Variants in GPSM3 observed in about 807,000 individuals in gnomAD.
GPSM3 encodes G protein signaling modulator 3.
Under a neutral mutation model 20.4 loss-of-function variants are expected in GPSM3, and 16 were observed. The observed-to-expected ratio is 0.78, with a 90% CI of 0.53 to 1.19. GPSM3 has a LOEUF of 1.19. Among genes scored for constraint, GPSM3 ranks in the 50% most tolerant of loss-of-function variants. GPSM3 has a pLI of 0.00. For synonymous variants in GPSM3, 70 were observed against 79.6 expected (o/e 0.88, Z 0.64); for missense variants, 177 against 204.6 (o/e 0.86, Z 0.82).
chr6:32,194,493 T>A (rs1207396892), upstream of GPSM3: 1 of 153,868 alleles, frequency 6.5e-6, no homozygotes, highest in Non-Finnish European at 1.4e-5. The surrounding 1 kb of genome is among the most constrained non-coding windows in gnomAD (Gnocchi z 4.5). Context: ...CCTATGAGAA[T>A]TTAATGCTTA....
At chr6:32,194,790 C>G (rs1166918131), upstream of GPSM3, 1 of 230,586 alleles carries the variant, frequency 4.3e-6, no homozygotes, top group East Asian at 6.1e-5. The surrounding 1 kb of genome is among the most constrained non-coding windows in gnomAD (Gnocchi z 4.5). Context: ...TGACATTATG[C>G]AGTCACTCCC....
upstream of GPSM3, chr6:32,192,851 T>C (rs372556458): frequency 6.4e-6 from 2 of 310,368 alleles, no homozygotes; most frequent in Non-Finnish European, 1.2e-5. The surrounding 1 kb of genome is among the most constrained non-coding windows in gnomAD (Gnocchi z 5.1). Flanking sequence ...AGAGCCTCAG[T>C]AGTCCCCTAA....
rs1787521464 is a variant in GPSM3, at chr6:32,191,630, A to G, written c.345+79T>C. 6.8e-7 allele frequency: 1 copy of G among 1,478,160 alleles called. No individual in the cohort carries two copies. The highest frequency in any genetic ancestry group is 1.3e-5 in the South Asian group (1 of 75,982). The allele number at this position is 1,478,160 out of a possible 1,614,324, so 91.6% of individuals were successfully genotyped here. On this transcript the variant is annotated intron_variant, in intron 3 of 3. Coordinates refer to ENST00000375040, the MANE Select transcript of GPSM3 (RefSeq NM_001276501.2). The surrounding 1 kb of genome is among the most constrained non-coding windows in gnomAD (Gnocchi z 5.9). The stretch of plus-strand genomic sequence containing the variant: ...TGAAGGCGATGGGGTGCCTAGGGAG[A>G]AACAGGAGTAGAGCCCCAAAGAGAA...
chr6:32,192,083 G>A lies in GPSM3; in HGVS notation c.145+65C>T, dbSNP rs117877134. The A allele has an allele frequency of 3.1e-3, 4,264 of 1,368,062 alleles. 187 individuals are homozygous for A. In the East Asian group the frequency reaches 0.079, roughly 25 times the overall value. 84.7% of individuals were successfully genotyped at this position (1,368,062 alleles called of 1,614,324 possible). A position where few individuals can be genotyped will look rare whatever the true frequency, so the allele number is the denominator to read the frequency against. On this transcript the variant is annotated intron_variant, in intron 2 of 3. Transcript: ENST00000375040. The surrounding 1 kb of genome is among the most constrained non-coding windows in gnomAD (Gnocchi z 5.1). The stretch of plus-strand genomic sequence containing the variant: ...GGGGAGAGGGCCCACAATGGAGTGG[G>A]CCTTGGTAATGGGGTCAGGATGTGG...
In GPSM3 at chr6:32,192,077, G is replaced by A; in HGVS notation, c.145+71C>T. On this transcript the variant is annotated intron_variant, in intron 2 of 3. Transcript: ENST00000375040. The surrounding 1 kb of genome is among the most constrained non-coding windows in gnomAD (Gnocchi z 5.1). ...GGAGGTGGGGAGAGGGCCCACAATGGAGTGGGCCTTGGTAATGGGGTCAGG... is the reference window on the plus strand; with the variant it reads ...GGAGGTGGGGAGAGGGCCCACAATGAAGTGGGCCTTGGTAATGGGGTCAGG... 3 of 1,317,256 alleles carry A rather than the reference G, an allele frequency of 2.3e-6. No individual in the cohort carries two copies. The highest frequency in any genetic ancestry group is 3.2e-6 in the Non-Finnish European group (3 of 948,516). The allele number at this position is 1,317,256 out of a possible 1,614,324, so 81.6% of individuals were successfully genotyped here.
At position 32,192,329 on chromosome 6, in the gene GPSM3, C is replaced by T. The variant is rs1260405746; in HGVS notation, c.43-79G>A. ...AGTGGACAGGGGGCTAGGCCAGTGG[C>T]CCGTTTCCTCTCTGTGTGTCTCTGT... On this transcript the variant is annotated intron_variant, in intron 1 of 3. Coordinates refer to ENST00000375040, the MANE Select transcript of GPSM3 (RefSeq NM_001276501.2). The surrounding 1 kb of genome is among the most constrained non-coding windows in gnomAD (Gnocchi z 5.1). The T allele has an allele frequency of 2.2e-5, 30 of 1,349,030 alleles. 1 individual carries two copies. The highest frequency in any genetic ancestry group is 1.8e-4 in the Middle Eastern group (1 of 5,422). The allele number at this position is 1,349,030 out of a possible 1,614,324, so 83.6% of individuals were successfully genotyped here.
Position 32,191,580 on chromosome 6 carries a change from T to G in GPSM3, c.346-77A>C, listed in dbSNP as rs1787516750. The stretch of plus-strand genomic sequence containing the variant: ...GGTTCTTGAGAGGATCAAGGGTTGG[T>G]ATGGGGAGGCATATAGGAAACCTGT... On this transcript the variant is annotated intron_variant, in intron 3 of 3. Coordinates refer to ENST00000375040, the MANE Select transcript of GPSM3 (RefSeq NM_001276501.2). This position sits in a 1 kb window ranked among gnomAD's most constrained non-coding sequence, Gnocchi z 5.9. The G allele has an allele frequency of 1.3e-6, 2 of 1,506,234 alleles. No homozygotes were observed. Among genetic ancestry groups the G allele is most frequent in the Non-Finnish European group, 1.8e-6 (2 of 1,123,042 alleles). The allele number at this position is 1,506,234 out of a possible 1,614,324, so 93.3% of individuals were successfully genotyped here.
Position 32,192,094 on chromosome 6 carries a change from G to C in GPSM3, c.145+54C>G, listed in dbSNP as rs1787566542. On this transcript the variant is annotated intron_variant, in intron 2 of 3. Coordinates refer to ENST00000375040, the MANE Select transcript of GPSM3 (RefSeq NM_001276501.2). The surrounding 1 kb of genome is among the most constrained non-coding windows in gnomAD (Gnocchi z 5.1). ...CCACAATGGAGTGGGCCTTGGTAAT[G>C]GGGTCAGGATGTGGGCACTAGGGTC... 1 of 1,414,248 alleles carries C rather than the reference G, an allele frequency of 7.1e-7. No homozygotes were observed. The highest frequency in any genetic ancestry group is 9.6e-7 in the Non-Finnish European group (1 of 1,039,146). The allele number at this position is 1,414,248 out of a possible 1,614,324, so 87.6% of individuals were successfully genotyped here. A position where few individuals can be genotyped will look rare whatever the true frequency, so the allele number is the denominator to read the frequency against.
upstream of GPSM3, among the ~76,000 whole-genome samples, chr6:32,193,764 A>G (rs1429390631): frequency 6.6e-6 from 1 of 152,222 alleles, no homozygotes; most frequent in Non-Finnish European, 1.5e-5. The surrounding 1 kb of genome is among the most constrained non-coding windows in gnomAD (Gnocchi z 4.7). Context: ...CCTGTTTCAG[A>G]AAAAGAAAGA....
In GPSM3 at chr6:32,191,456, C is replaced by G. The variant is rs1361185732; in HGVS notation, c.393G>C (p.Gly131=). The change falls in exon 4 of 4, where the codon GGG becomes GGC. Residue 131 remains glycine (G), a synonymous_variant. Transcript: ENST00000375040. This position sits in a 1 kb window ranked among gnomAD's most constrained non-coding sequence, Gnocchi z 5.9. ...GCAGCAACTCCAGGAGCTCTTGCCC[C>G]CCTGGAGGGAGGGGAGGCTCTGACC... is the stretch of plus-strand genomic sequence containing the variant. The part of the protein sequence containing the change: ...AQRSEPPLPP[G]GQELLELLLR... 1.3e-6 allele frequency: 2 copies of G among 1,587,274 alleles called. No individual in the cohort carries two copies. The highest frequency in any genetic ancestry group is 2.7e-5 in the African/African-American group (2 of 73,198).
rs533138205 is a variant in GPSM3 at position 32,192,319 on chromosome 6, A to G, written c.43-69T>C. The G allele has an allele frequency of 7.2e-7, 1 of 1,385,024 alleles. No individual in the cohort carries two copies. Among genetic ancestry groups the G allele is most frequent in the South Asian group, 1.3e-5 (1 of 76,032 alleles). 85.8% of individuals were successfully genotyped at this position (1,385,024 alleles called of 1,614,324 possible). A position where few individuals can be genotyped will look rare whatever the true frequency, so the allele number is the denominator to read the frequency against. On this transcript the variant is annotated intron_variant, in intron 1 of 3. Coordinates refer to ENST00000375040, the MANE Select transcript of GPSM3 (RefSeq NM_001276501.2). The surrounding 1 kb of genome is among the most constrained non-coding windows in gnomAD (Gnocchi z 5.1). Reference sequence around the variant, plus strand: ...AAGCGGGAGGAGTGGACAGGGGGCTAGGCCAGTGGCCCGTTTCCTCTCTGT... The same window carrying G: ...AAGCGGGAGGAGTGGACAGGGGGCTGGGCCAGTGGCCCGTTTCCTCTCTGT...
upstream of GPSM3, chr6:32,194,241 G>A (rs1442932311): frequency 6.6e-6 from 1 of 152,134 alleles, no homozygotes; most frequent in East Asian, 1.9e-4. The surrounding 1 kb of genome is among the most constrained non-coding windows in gnomAD (Gnocchi z 4.5). Context: ...AATCTCCTAA[G>A]TGGCCATAAG....
Position 32,191,984 on chromosome 6 carries a change from G to T in GPSM3, c.146-76C>A. 7.0e-7 allele frequency: 1 copy of T among 1,428,534 alleles called. No homozygotes were observed. Among genetic ancestry groups the T allele is most frequent in the Non-Finnish European group, 9.8e-7 (1 of 1,021,356 alleles). 88.5% of individuals were successfully genotyped at this position (1,428,534 alleles called of 1,614,324 possible). A position where few individuals can be genotyped will look rare whatever the true frequency, so the allele number is the denominator to read the frequency against. On this transcript the variant is annotated intron_variant, in intron 2 of 3. Coordinates refer to ENST00000375040, the MANE Select transcript of GPSM3 (RefSeq NM_001276501.2). The surrounding 1 kb of genome is among the most constrained non-coding windows in gnomAD (Gnocchi z 5.9). The stretch of plus-strand genomic sequence containing the variant: ...GGAGCCGTGGGGGAGTGTGGACAGG[G>T]TGACGTGATTAGGGACTTTGGATCA...
Position 32,192,282 on chromosome 6 carries a change from C to A in GPSM3, c.43-32G>T. ...CCAAAATATGTCCATTCTAGTCAAGCAGTGGTGGTTGAAGCGGGAGGAGTG... is the reference window on the plus strand; with the variant it reads ...CCAAAATATGTCCATTCTAGTCAAGAAGTGGTGGTTGAAGCGGGAGGAGTG... On this transcript the variant is annotated intron_variant, in intron 1 of 3. Coordinates refer to ENST00000375040, the MANE Select transcript of GPSM3 (RefSeq NM_001276501.2). The surrounding 1 kb of genome is among the most constrained non-coding windows in gnomAD (Gnocchi z 5.1). 1 of 1,500,022 alleles carries A rather than the reference C, an allele frequency of 6.7e-7. No individual in the cohort carries two copies. The highest frequency in any genetic ancestry group is 1.3e-5 in the South Asian group (1 of 77,958). The allele number at this position is 1,500,022 out of a possible 1,614,324, so 92.9% of individuals were successfully genotyped here. A position where few individuals can be genotyped will look rare whatever the true frequency, so the allele number is the denominator to read the frequency against.
chr6:32,191,882 G>A lies in GPSM3; in HGVS notation c.172C>T (p.Leu58Phe), dbSNP rs544968716. 2.2e-4 allele frequency: 351 copies of A among 1,611,482 alleles called. 3 individuals carry two copies. In the South Asian group the frequency reaches 3.7e-3, roughly 17 times the overall value. Reference sequence around the variant, plus strand: ...AGAAGGAGTTCAGTCTGCAGGGAGAGCAGGGAGGCCGAGCGGGGTCCCAGG... The same window carrying A: ...AGAAGGAGTTCAGTCTGCAGGGAGAACAGGGAGGCCGAGCGGGGTCCCAGG... The part of the protein sequence containing the change: ...TALGPRSASL[L>F]SLQTELLLDL... The change falls in exon 3 of 4, where the codon CTC (leucine) becomes TTC (phenylalanine). Residue 58 changes from leucine to phenylalanine, a missense_variant. Coordinates refer to ENST00000375040, the MANE Select transcript of GPSM3 (RefSeq NM_001276501.2). This position sits in a 1 kb window ranked among gnomAD's most constrained non-coding sequence, Gnocchi z 5.9.
Position 32,191,989 on chromosome 6 carries a change from G to T in GPSM3, c.146-81C>A. On this transcript the variant is annotated intron_variant, in intron 2 of 3. Transcript: ENST00000375040. This position sits in a 1 kb window ranked among gnomAD's most constrained non-coding sequence, Gnocchi z 5.9. The stretch of plus-strand genomic sequence containing the variant: ...CGTGGGGGAGTGTGGACAGGGTGAC[G>T]TGATTAGGGACTTTGGATCAGAGGA... 1 of 1,391,146 alleles carries T rather than the reference G, an allele frequency of 7.2e-7. No homozygotes were observed. The highest frequency in any genetic ancestry group is 1.0e-6 in the Non-Finnish European group (1 of 989,522). 86.2% of individuals were successfully genotyped at this position (1,391,146 alleles called of 1,614,324 possible). A position where few individuals can be genotyped will look rare whatever the true frequency, so the allele number is the denominator to read the frequency against.
At chr6:32,192,686 G>A (rs551178156), upstream of GPSM3, 10 of 468,784 alleles carry the variant, frequency 2.1e-5, no homozygotes, top group African/African-American at 8.0e-5. This position sits in a 1 kb window ranked among gnomAD's most constrained non-coding sequence, Gnocchi z 5.1. Context: ...CACGGGCCCC[G>A]CCCATCCCTG....
chr6:32,195,398 G>T (rs1234300001), upstream of GPSM3: 1 of 1,523,858 alleles, frequency 6.6e-7, no homozygotes, highest in South Asian at 1.3e-5. The surrounding 1 kb of genome is among the most constrained non-coding windows in gnomAD (Gnocchi z 5.4). Context: ...CCTTTTAATG[G>T]GTAATCATTT....
chr6:32,194,243 G>A (rs1482094798), upstream of GPSM3: 1 of 152,086 alleles, frequency 6.6e-6, no homozygotes, highest in East Asian at 1.9e-4. The surrounding 1 kb of genome is among the most constrained non-coding windows in gnomAD (Gnocchi z 4.5). Flanking sequence ...TCTCCTAAGT[G>A]GCCATAAGTA....
Sources: allele counts gnomAD v4.1 joint callset (sites outside exome capture counted in the v4.1 genomes callset), GRCh38; gene constraint gnomAD v4.1.1; non-coding constraint Gnocchi (gnomAD v3.1); transcripts MANE v1.5; gene names NCBI Gene and HGNC (gene_info 2026-07-23, HGNC 2026-07-21).